Variants in DCLK1 observed in about 807,000 individuals in gnomAD.
DCLK1 encodes the protein serine/threonine-protein kinase DCLK1.
In DCLK1, 16 loss-of-function variants were observed where a neutral mutation model predicts 86.2. The ratio of observed to expected loss-of-function variants is 0.19; its 90% confidence interval spans 0.13 to 0.28. DCLK1 has a LOEUF of 0.28. DCLK1 is among the 10% of genes least tolerant of loss of function. DCLK1 has a pLI of 1.00. For missense variants in DCLK1, 590 were observed against 940.2 expected (o/e 0.63, Z 4.87); for synonymous variants, 369 against 370.5 (o/e 1.00, Z 0.05).
intron 2 of DCLK1, among the ~76,000 whole-genome samples, chr13:36,119,460 C>T (rs1357919703): frequency 6.6e-6 from 1 of 152,178 alleles, no homozygotes; most frequent in Non-Finnish European, 1.5e-5. Context: ...GATATTTACA[C>T]AGCATCAAAG....
intron 3 of DCLK1, among the ~76,000 whole-genome samples, chr13:36,083,632 T>G (rs1884495252): frequency 6.6e-6 from 1 of 152,214 alleles, no homozygotes; most frequent in Non-Finnish European, 1.5e-5. Context: ...AGCTGATCCA[T>G]ATCGCCAAAT....
chr13:35,862,124 C>T (rs997514109), intron 5 of DCLK1, among the ~76,000 whole-genome samples: 3 of 151,676 alleles, frequency 2.0e-5, no homozygotes, highest in African/African-American at 4.8e-5. Context: ...GTTGAGGCAG[C>T]GGGGAGGTAC....
At chr13:35,912,218 C>T (rs9565666) in intron 4 of DCLK1, among the ~76,000 whole-genome samples, 91,365 of 151,954 alleles carry the variant, frequency 0.6, 30,158 homozygotes, top group Non-Finnish European at 0.74. Context: ...CAAGTGATAG[C>T]GGCAGGAGGC....
intron 6 of DCLK1, among the ~76,000 whole-genome samples, chr13:35,851,304 A>G (rs904806153): frequency 1.3e-5 from 2 of 151,798 alleles, no homozygotes; most frequent in African/African-American, 2.4e-5. Context: ...AAATTAACCC[A>G]CCTCACCCCA....
In DCLK1 at chr13:35,772,476, A is replaced by G. The variant is rs764993164; in HGVS notation, c.*2059T>C. The G allele has an allele frequency of 6.6e-6, 1 of 152,176 alleles. No homozygotes were observed. Among genetic ancestry groups the G allele is most frequent in the African/African-American group, 2.4e-5 (1 of 41,444 alleles). 9.4% of individuals were successfully genotyped at this position (152,176 alleles called of 1,614,324 possible). A position where few individuals can be genotyped will look rare whatever the true frequency, so the allele number is the denominator to read the frequency against. ...TAGCCTTGGAATAGTGCTTTGCTTT[A>G]TATTTCTAGAGAAAGCAGTAATTTC... is the stretch of plus-strand genomic sequence containing the variant. On this transcript the variant is annotated 3_prime_UTR_variant, in exon 17 of 17. Coordinates refer to ENST00000360631, the MANE Select transcript of DCLK1 (RefSeq NM_001330071.2).
intron 4 of DCLK1, among the ~76,000 whole-genome samples, chr13:35,914,865 C>CTA (rs1875316848): frequency 6.6e-6 from 1 of 152,080 alleles, no homozygotes; most frequent in Admixed American, 6.5e-5. Flanking sequence ...TAGTTGAAGG[C>CTA]CTGGCAAACA....
chr13:35,968,166 T>G (rs1352552447), intron 3 of DCLK1, among the ~76,000 whole-genome samples: 1 of 152,230 alleles, frequency 6.6e-6, no homozygotes, highest in Non-Finnish European at 1.5e-5. Context: ...TTCACTTATA[T>G]GAGGTACCTA....
chr13:36,037,185 T>TA lies in DCLK1; in HGVS notation c.723+74683dup, dbSNP rs200393168. Among the ~76,000 whole-genome samples the TA allele has an allele frequency of 2.7e-3, 410 of 151,152 alleles. 1 individual carries two copies. The highest frequency in any genetic ancestry group is 9.2e-3 in the African/African-American group (380 of 41,234). On this transcript the variant is annotated intron_variant, in intron 3 of 16. Coordinates refer to ENST00000360631, the MANE Select transcript of DCLK1 (RefSeq NM_001330071.2). ...TGTTCTCTCTCATATGTGGAAGCTT[T>TA]AAAAAAAAATGATCTCATGAAGATA...
At chr13:35,797,905 T>C (rs1176627614) in intron 15 of DCLK1, among the ~76,000 whole-genome samples, 2 of 152,168 alleles carry the variant, frequency 1.3e-5, no homozygotes, top group Admixed American at 6.5e-5. Context: ...ATCACCATTA[T>C]TCAGAATAGA....
chr13:36,060,437 C>T (rs935979464), intron 3 of DCLK1, among the ~76,000 whole-genome samples: 7 of 152,020 alleles, frequency 4.6e-5, no homozygotes, highest in African/African-American at 1.2e-4. Context: ...ATGATCAGAA[C>T]GATTAATGGA....
intron 6 of DCLK1, 107 bp from the exon 7 acceptor site, chr13:35,839,283 G>A (rs1869623999): frequency 1.1e-6 from 1 of 933,772 alleles, no homozygotes; most frequent in South Asian, 1.6e-5. Context: ...CCCATGCTAG[G>A]GAGGATTTGA....
intron 3 of DCLK1, 127 bp from the exon 4 acceptor site, chr13:35,947,584 G>T: frequency 1.6e-6 from 1 of 608,030 alleles, no homozygotes; most frequent in Non-Finnish European, 2.7e-6. Context: ...AGCTTCCACA[G>T]AGGAATTTCA....
intron 12 of DCLK1, 68 bp downstream of exon 12, chr13:35,810,767 T>A: frequency 6.3e-7 from 1 of 1,579,772 alleles, no homozygotes; most frequent in Non-Finnish European, 8.6e-7. Flanking sequence ...GCAGTACTAT[T>A]TTTCCTATTC....
At chr13:35,997,677 C>T (rs1370612031) in intron 3 of DCLK1, among the ~76,000 whole-genome samples, 1 of 152,148 alleles carries the variant, frequency 6.6e-6, no homozygotes, top group Non-Finnish European at 1.5e-5. Context: ...ATGAAACTTG[C>T]AATGTAATAG....
chr13:36,111,249 C>T (rs1160370700), intron 3 of DCLK1, among the ~76,000 whole-genome samples: 1 of 152,176 alleles, frequency 6.6e-6, no homozygotes, highest in African/African-American at 2.4e-5. Context: ...GACCAACTCA[C>T]ATTAAAATGA....
chr13:35,945,924 C>T (rs1177664315), intron 4 of DCLK1, among the ~76,000 whole-genome samples: 1 of 152,212 alleles, frequency 6.6e-6, no homozygotes, highest in African/African-American at 2.4e-5. Flanking sequence ...AATCTCTTCA[C>T]ATGACACATC....
chr13:35,990,619 A>C (rs1357832612), intron 3 of DCLK1, among the ~76,000 whole-genome samples: 1 of 152,168 alleles, frequency 6.6e-6, no homozygotes, highest in Admixed American at 6.5e-5. Context: ...TACAGAGTGT[A>C]GGACTTCCAG....
intron 2 of DCLK1, among the ~76,000 whole-genome samples, chr13:36,125,050 C>T (rs1381262184): frequency 1.3e-5 from 2 of 152,080 alleles, no homozygotes; most frequent in Admixed American, 6.5e-5. Flanking sequence ...AGGCTGCATC[C>T]GTGGACGCAA....
chr13:35,892,784 A>C (rs1294672238), intron 4 of DCLK1, among the ~76,000 whole-genome samples: 1 of 152,138 alleles, frequency 6.6e-6, no homozygotes, highest in Non-Finnish European at 1.5e-5. Context: ...CCTTTATGTA[A>C]CATTGTCTGG....
Sources: gnomAD v4.1 joint callset for allele counts (sites outside exome capture counted in the v4.1 genomes callset) on GRCh38, gnomAD v4.1.1 for gene constraint, MANE v1.5 for transcripts, NCBI Gene and HGNC (gene_info 2026-07-23, HGNC 2026-07-21) for gene names.